The following GPC5 variants were observed in gnomAD, a reference collection of about 807,000 sequenced individuals.
GPC5 encodes glypican 5, also known as glypican-5.
Under a neutral mutation model 53.9 loss-of-function variants are expected in GPC5, and 47 were observed. The observed-to-expected ratio is 0.87, with a 90% confidence interval of 0.69 to 1.11. The LOEUF (loss-of-function observed/expected upper bound fraction) is 1.11, where lower values mean the gene tolerates loss of function less well. GPC5 is among the 50% of genes most tolerant of loss of function. The probability of loss-of-function intolerance (pLI) is 0.00; values close to 1 mark genes in which losing one functional copy is unlikely to be tolerated. For missense variants in GPC5, 748 were observed against 713.1 expected (o/e 1.05, Z -0.56); for synonymous variants, 286 against 263.3 (o/e 1.09, Z -0.84).
chr13:91,533,539 G>A (rs1048936187), intron 2 of GPC5, among the ~76,000 whole-genome samples: 1 of 152,122 alleles, frequency 6.6e-6, no homozygotes, highest in Non-Finnish European at 1.5e-5. Flanking sequence ...ACAGACAGTG[G>A]CGGGGAAGAT....
intron 7 of GPC5, among the ~76,000 whole-genome samples, chr13:92,599,828 A>C (rs2139078808): frequency 6.8e-6 from 1 of 147,370 alleles, no homozygotes; most frequent in Non-Finnish European, 1.5e-5. Context: ...AAAAAAAATT[A>C]TTCTGGTAAA....
intron 6 of GPC5, among the ~76,000 whole-genome samples, chr13:92,104,270 G>A (rs1024171237): frequency 3.3e-5 from 5 of 152,144 alleles, no homozygotes. Flanking sequence ...CTACCAGGGA[G>A]CAGGGGTACA....
At chr13:92,574,620 TTC>T (rs1179826366) in intron 7 of GPC5, among the ~76,000 whole-genome samples, 1 of 152,206 alleles carries the variant, frequency 6.6e-6, no homozygotes, top group Non-Finnish European at 1.5e-5. Flanking sequence ...CACACATAAC[TTC>T]TGTAAGATTT....
At chr13:92,658,067 G>A (rs1886200819) in intron 7 of GPC5, among the ~76,000 whole-genome samples, 1 of 151,886 alleles carries the variant, frequency 6.6e-6, no homozygotes, top group Non-Finnish European at 1.5e-5. Context: ...CCCCAATTCT[G>A]TCATTTTTAT....
At chr13:91,865,961 G>A (rs1330050188) in intron 5 of GPC5, among the ~76,000 whole-genome samples, 1 of 152,272 alleles carries the variant, frequency 6.6e-6, no homozygotes, top group Non-Finnish European at 1.5e-5. Flanking sequence ...TCTGCCTCCT[G>A]GGTTAAAGTG....
At chr13:91,950,089 TG>T (rs2040012427) in intron 6 of GPC5, among the ~76,000 whole-genome samples, 1 of 151,980 alleles carries the variant, frequency 6.6e-6, no homozygotes, top group Non-Finnish European at 1.5e-5. Flanking sequence ...ATTTAAAACT[TG>T]GTCATGGCAG....
intron 7 of GPC5, among the ~76,000 whole-genome samples, chr13:92,321,474 C>T (rs935423140): frequency 2.6e-4 from 39 of 152,062 alleles, no homozygotes; most frequent in African/African-American, 8.9e-4. Flanking sequence ...GCCTCTAATC[C>T]CAGCTACTCA....
At chr13:91,652,928 C>G (rs9589322) in intron 2 of GPC5, among the ~76,000 whole-genome samples, 35,214 of 152,024 alleles carry the variant, frequency 0.23, 5,360 homozygotes, top group African/African-American at 0.42. Flanking sequence ...CTGTCTCTGG[C>G]TAAAGAATAT....
intron 7 of GPC5, among the ~76,000 whole-genome samples, chr13:92,478,281 A>G (rs1241203078): frequency 2.6e-5 from 4 of 152,168 alleles, no homozygotes; most frequent in South Asian, 2.1e-4. Context: ...GAATGTCAAA[A>G]CCTGCAATTT....
intron 7 of GPC5, among the ~76,000 whole-genome samples, chr13:92,768,212 A>G (rs1267931257): frequency 2.6e-5 from 4 of 152,220 alleles, no homozygotes; most frequent in Non-Finnish European, 5.9e-5. Context: ...GCTAAAATAC[A>G]AACTTACAAA....
At chr13:91,715,473 A>C (rs1594469419) in intron 3 of GPC5, among the ~76,000 whole-genome samples, 1 of 152,322 alleles carries the variant, frequency 6.6e-6, no homozygotes, top group East Asian at 1.9e-4. Context: ...GTATAATTCT[A>C]ATTTGGTAAA....
chr13:91,777,746 T>G (rs1261293147), intron 5 of GPC5, among the ~76,000 whole-genome samples: 3 of 152,136 alleles, frequency 2.0e-5, no homozygotes, highest in African/African-American at 4.8e-5. Context: ...ATTTAATCCC[T>G]GAACCTACAC....
chr13:92,296,607 C>A (rs1013764623), intron 7 of GPC5, among the ~76,000 whole-genome samples: 1 of 152,142 alleles, frequency 6.6e-6, no homozygotes, highest in African/African-American at 2.4e-5. Context: ...TGTGGGAGCC[C>A]CTTTCTGGGC....
chr13:91,428,842 T>C (rs9560789), intron 1 of GPC5, among the ~76,000 whole-genome samples: 67,520 of 151,944 alleles, frequency 0.44, 15,953 homozygotes, highest in Middle Eastern at 0.56. Context: ...CACTTTCAAG[T>C]TTGTTTTAGG....
At chr13:92,437,045 C>T (rs1459871927) in intron 7 of GPC5, among the ~76,000 whole-genome samples, 1 of 152,028 alleles carries the variant, frequency 6.6e-6, no homozygotes, top group Admixed American at 6.6e-5. Context: ...GAAATAAATG[C>T]CAGCAATCAA....
At chr13:91,622,382 A>G (rs2225061) in intron 2 of GPC5, among the ~76,000 whole-genome samples, 74,043 of 152,080 alleles carry the variant, frequency 0.49, 21,094 homozygotes, top group Non-Finnish European at 0.62. Flanking sequence ...TGTAAGATAT[A>G]GAAATGTCAT....
intron 3 of GPC5, among the ~76,000 whole-genome samples, chr13:91,697,083 A>G (rs937848096): frequency 6.6e-6 from 1 of 152,154 alleles, no homozygotes; most frequent in East Asian, 1.9e-4. Context: ...TAGTGTTTAC[A>G]TTTTACCAGT....
intron 2 of GPC5, among the ~76,000 whole-genome samples, chr13:91,496,372 C>T (rs1251167128): frequency 1.3e-5 from 2 of 152,144 alleles, no homozygotes; most frequent in African/African-American, 4.8e-5. Flanking sequence ...GATTGGGAAG[C>T]AACCTAAGTG....
chr13:91,793,697 G>T (rs1322413666), intron 5 of GPC5, among the ~76,000 whole-genome samples: 4 of 152,082 alleles, frequency 2.6e-5, no homozygotes, highest in Non-Finnish European at 4.4e-5. Context: ...GCATGACTGG[G>T]GAGGCCTCAG....
Sources: gnomAD v4.1 joint callset for allele counts (sites outside exome capture counted in the v4.1 genomes callset) on GRCh38, gnomAD v4.1.1 for gene constraint, MANE v1.5 for transcripts, NCBI Gene and HGNC (gene_info 2026-07-23, HGNC 2026-07-21) for gene names.